LHFPL6: variants seen among roughly 807,000 people sequenced by gnomAD.
The protein encoded by LHFPL6 is LHFPL tetraspan subfamily member 6.
In LHFPL6, 9 loss-of-function variants were observed where a neutral mutation model predicts 20.6. That is an observed-to-expected ratio of 0.44 (90% CI 0.26 to 0.76). The LOEUF (loss-of-function observed/expected upper bound fraction) is 0.76. Among genes scored for constraint, LHFPL6 ranks in the 30% least tolerant of loss-of-function variants. The pLI is 0.20. For synonymous variants in LHFPL6, 105 were observed against 98.7 expected (o/e 1.06, Z -0.38); for missense variants, 218 against 253.5 (o/e 0.86, Z 0.95).
At chr13:39,590,208 T>C (rs1872556643) in intron 2 of LHFPL6, among the ~76,000 whole-genome samples, 1 of 152,202 alleles carries the variant, frequency 6.6e-6, no homozygotes, top group Admixed American at 6.5e-5. Flanking sequence ...AAATGAAAAC[T>C]GAATAAGTTC....
intron 2 of LHFPL6, among the ~76,000 whole-genome samples, chr13:39,594,332 A>G (rs1002060883): frequency 5.3e-5 from 8 of 152,222 alleles, no homozygotes; most frequent in African/African-American, 1.9e-4. Flanking sequence ...TTCTCAAAAG[A>G]AGACATTTAT....
At chr13:39,445,848 G>T (rs1354598552) in intron 2 of LHFPL6, among the ~76,000 whole-genome samples, 1 of 152,122 alleles carries the variant, frequency 6.6e-6, no homozygotes, top group African/African-American at 2.4e-5. Flanking sequence ...AGTCTTCAAA[G>T]GTTGCAAAGT....
intron 2 of LHFPL6, among the ~76,000 whole-genome samples, chr13:39,479,644 T>A (rs1212937999): frequency 1.3e-5 from 2 of 152,302 alleles, no homozygotes; most frequent in East Asian, 3.9e-4. Context: ...GTTTTGAGTC[T>A]TTGTGGGTTG....
At chr13:39,458,319 G>C (rs75795431) in intron 2 of LHFPL6, among the ~76,000 whole-genome samples, 1 of 152,036 alleles carries the variant, frequency 6.6e-6, no homozygotes, top group Non-Finnish European at 1.5e-5. Context: ...AAGAGGTTAC[G>C]GGAAAAACAG....
chr13:39,423,916 T>C (rs1047228844), intron 2 of LHFPL6, among the ~76,000 whole-genome samples: 14 of 151,990 alleles, frequency 9.2e-5, no homozygotes, highest in African/African-American at 2.9e-4. Context: ...GGATTAGAAG[T>C]AGGAGAAATT....
At chr13:39,538,019 C>T (rs1252135281) in intron 2 of LHFPL6, among the ~76,000 whole-genome samples, 1 of 144,886 alleles carries the variant, frequency 6.9e-6, no homozygotes, top group Non-Finnish European at 1.5e-5. Flanking sequence ...GAGACGGAGT[C>T]TTACTCTGTC....
At chr13:39,352,989 A>ATAT (rs368085948) in intron 3 of LHFPL6, among the ~76,000 whole-genome samples, 6 of 119,826 alleles carry the variant, frequency 5.0e-5, no homozygotes, top group Non-Finnish European at 1.0e-4. Context: ...ATATATATAT[A>ATAT]ATTTTTTTTT....
intron 2 of LHFPL6, among the ~76,000 whole-genome samples, chr13:39,412,372 T>C (rs1871255763): frequency 6.6e-6 from 1 of 152,252 alleles, no homozygotes; most frequent in African/African-American, 2.4e-5. Flanking sequence ...CATATGACTT[T>C]TGACTGACCA....
chr13:39,431,718 G>GT (rs913004570), intron 2 of LHFPL6, among the ~76,000 whole-genome samples: 1 of 34,098 alleles, frequency 2.9e-5, no homozygotes, highest in African/African-American at 1.4e-4. Flanking sequence ...TAGAATTTGT[G>GT]GGGGGGGGGG....
chr13:39,431,377 C>A (rs559862553), intron 2 of LHFPL6, among the ~76,000 whole-genome samples: 3 of 152,186 alleles, frequency 2.0e-5, no homozygotes, highest in African/African-American at 7.2e-5. Flanking sequence ...GTAACACTCA[C>A]CGCCAGGGTC....
At chr13:39,426,841 G>A (rs1871651018) in intron 2 of LHFPL6, among the ~76,000 whole-genome samples, 1 of 151,972 alleles carries the variant, frequency 6.6e-6, no homozygotes, top group East Asian at 1.9e-4. Context: ...ACTAACTGAA[G>A]GTCACAAAGA....
At chr13:39,539,379 A>C (rs1593355005) in intron 2 of LHFPL6, among the ~76,000 whole-genome samples, 1 of 152,316 alleles carries the variant, frequency 6.6e-6, no homozygotes, top group East Asian at 1.9e-4. Context: ...GAACTCTTCA[A>C]AGCCTCTTTC....
intron 2 of LHFPL6, among the ~76,000 whole-genome samples, chr13:39,449,977 GAACAC>G (rs747121041): frequency 5.3e-5 from 8 of 151,986 alleles, no homozygotes; most frequent in Non-Finnish European, 1.2e-4. Context: ...CATATATTTG[GAACAC>G]AACTGAGAAT....
Position 39,600,801 on chromosome 13 carries a change from G to A in LHFPL6, c.385+31C>T, listed in dbSNP as rs751513272. The A allele has an allele frequency of 2.7e-6, 4 of 1,458,822 alleles. No homozygotes were observed. The East Asian group carries it at 9.2e-5, about 34-fold the overall frequency. The allele number at this position is 1,458,822 out of a possible 1,614,324, so 90.4% of individuals were successfully genotyped here. Reference sequence around the variant, plus strand: ...CTTTTAATACTGCTTTGGGATTCCAGTAAACAACTCAAGCTCAGCAAGTCA... The same window carrying A: ...CTTTTAATACTGCTTTGGGATTCCAATAAACAACTCAAGCTCAGCAAGTCA... On this transcript the variant is annotated intron_variant, in intron 2 of 3. Coordinates refer to ENST00000379589, the MANE Select transcript of LHFPL6 (RefSeq NM_005780.3).
At chr13:39,394,329 C>A (rs1166703341) in intron 2 of LHFPL6, among the ~76,000 whole-genome samples, 2 of 152,128 alleles carry the variant, frequency 1.3e-5, no homozygotes, top group Non-Finnish European at 2.9e-5. Flanking sequence ...TTCTTCAAGG[C>A]CTATTTATGC....
At chr13:39,345,537 A>AAAAAAAAAAAAAAAAAG (rs1593279014) in intron 3 of LHFPL6, among the ~76,000 whole-genome samples, 2 of 146,610 alleles carry the variant, frequency 1.4e-5, no homozygotes, top group Admixed American at 6.9e-5. Flanking sequence ...AAAAAAAAAA[A>AAAAAAAAAAAAAAAAAG]AAAGAAAGAA....
intron 3 of LHFPL6, among the ~76,000 whole-genome samples, chr13:39,364,321 T>C (rs1161017600): frequency 3.3e-5 from 5 of 152,110 alleles, no homozygotes; most frequent in African/African-American, 1.2e-4. Context: ...CTGTGGGGTT[T>C]CCCTTTCATA....
chr13:39,471,558 A>G (rs1872947719), intron 2 of LHFPL6, among the ~76,000 whole-genome samples: 1 of 152,184 alleles, frequency 6.6e-6, no homozygotes, highest in Non-Finnish European at 1.5e-5. Context: ...CCCTCAAGGA[A>G]TCTCTGCATA....
intron 2 of LHFPL6, among the ~76,000 whole-genome samples, chr13:39,533,269 A>G (rs1870519862): frequency 6.6e-6 from 1 of 152,210 alleles, no homozygotes; most frequent in Non-Finnish European, 1.5e-5. Flanking sequence ...TACCCCCAAT[A>G]TACAGGGGCT....
Sources: allele counts gnomAD v4.1 joint callset (sites outside exome capture counted in the v4.1 genomes callset), GRCh38; gene constraint gnomAD v4.1.1; transcripts MANE v1.5; gene names NCBI Gene and HGNC (gene_info 2026-07-23, HGNC 2026-07-21).